The following PIP5K1C variants were observed in gnomAD, a reference collection of about 807,000 sequenced individuals.
The protein encoded by PIP5K1C is phosphatidylinositol-4-phosphate 5-kinase type 1 gamma, also known as phosphatidylinositol 4-phosphate 5-kinase type-1 gamma.
Under a neutral mutation model 80.1 loss-of-function variants are expected in PIP5K1C, and 45 were observed. The observed-to-expected ratio is 0.56, with a 90% CI of 0.44 to 0.72. The LOEUF (loss-of-function observed/expected upper bound fraction) is 0.72. Ranked by LOEUF, PIP5K1C falls within the 30% of genes least tolerant of loss-of-function variation. PIP5K1C has a pLI of 0.00. For missense variants in PIP5K1C, 753 were observed against 954.6 expected (o/e 0.79, Z 2.78); for synonymous variants, 498 against 420.1 (o/e 1.19, Z -2.27).
chr19:3,700,253 G>C, intron 1 of PIP5K1C, 44 bp downstream of exon 1: 2 of 1,084,788 alleles, frequency 1.8e-6, no homozygotes, highest in Non-Finnish European at 2.3e-6. Context: ...CTCGGCGCTC[G>C]GACGAGCCCA....
intron 1 of PIP5K1C, among the ~76,000 whole-genome samples, chr19:3,675,661 T>G (rs568972965): frequency 1.3e-5 from 2 of 152,170 alleles, no homozygotes; most frequent in African/African-American, 4.8e-5. Flanking sequence ...TCTCTTGATA[T>G]GAGTGTACCC....
At chr19:3,655,466 T>G (rs1422743232) in intron 6 of PIP5K1C, among the ~76,000 whole-genome samples, 1 of 152,236 alleles carries the variant, frequency 6.6e-6, no homozygotes, top group Non-Finnish European at 1.5e-5. Context: ...AAATAGTCTT[T>G]GATGACACGT....
At chr19:3,634,026 A>AG (rs2033569525) in intron 16 of PIP5K1C, among the ~76,000 whole-genome samples, 1 of 152,088 alleles carries the variant, frequency 6.6e-6, no homozygotes, top group Non-Finnish European at 1.5e-5. Flanking sequence ...GCCTGCGGGC[A>AG]GGGCCAGTCC....
chr19:3,660,892 G>T, intron 5 of PIP5K1C, 74 bp downstream of exon 5: 2 of 1,242,710 alleles, frequency 1.6e-6, no homozygotes, highest in Non-Finnish European at 2.4e-6. Context: ...CCAAATGCCT[G>T]ACCCACAGAC....
chr19:3,693,131 G>T (rs1456830997), intron 1 of PIP5K1C, among the ~76,000 whole-genome samples: 2 of 152,012 alleles, frequency 1.3e-5, no homozygotes, highest in African/African-American at 2.4e-5. Context: ...TGGCCCTCTC[G>T]TTCCCCCAGG....
At chr19:3,690,031 G>A (rs977126707) in intron 1 of PIP5K1C, among the ~76,000 whole-genome samples, 1 of 152,018 alleles carries the variant, frequency 6.6e-6, no homozygotes. Context: ...AAACACCTGG[G>A]GTGACAGTCA....
Position 3,637,863 on chromosome 19 carries a change from C to T in PIP5K1C, c.1920+1021G>A. On this transcript the variant is annotated intron_variant, in intron 16 of 17. Transcript: ENST00000335312. The surrounding 1 kb of genome is among the most constrained non-coding windows in gnomAD (Gnocchi z 7.0). ...CACAGCACGACATGGCCCCCAGGCC[C>T]CCCGTACCATCCGGAGACCAGGACG... The T allele has an allele frequency of 6.5e-7, 1 of 1,535,372 alleles. No homozygotes were observed. The highest frequency in any genetic ancestry group is 8.7e-7 in the Non-Finnish European group (1 of 1,146,690).
At chr19:3,694,855 C>T (rs2036053125) in intron 1 of PIP5K1C, among the ~76,000 whole-genome samples, 1 of 152,228 alleles carries the variant, frequency 6.6e-6, no homozygotes, top group African/African-American at 2.4e-5. Context: ...TCACCACACT[C>T]ATCACCGCCC....
At chr19:3,678,083 G>GA (rs2145560644) in intron 1 of PIP5K1C, among the ~76,000 whole-genome samples, 1 of 134,642 alleles carries the variant, frequency 7.4e-6, no homozygotes, top group Non-Finnish European at 1.6e-5. Context: ...AAGGAGAATG[G>GA]AGGATGGAGG....
intron 5 of PIP5K1C, among the ~76,000 whole-genome samples, chr19:3,657,772 AAAAG>A (rs942869066): frequency 3.3e-5 from 5 of 151,050 alleles, no homozygotes; most frequent in African/African-American, 1.2e-4. Flanking sequence ...CTAAAAAAAA[AAAAG>A]AAAGAAAACA....
intron 1 of PIP5K1C, among the ~76,000 whole-genome samples, chr19:3,671,554 C>T (rs1371721182): frequency 6.6e-6 from 1 of 152,192 alleles, no homozygotes; most frequent in East Asian, 1.9e-4. Context: ...GGTTAAGGGA[C>T]TGGCCGGGGC....
chr19:3,699,057 T>C (rs1199310447), intron 1 of PIP5K1C, among the ~76,000 whole-genome samples: 1 of 150,932 alleles, frequency 6.6e-6, no homozygotes, highest in Non-Finnish European at 1.5e-5. Context: ...CGCGGTGTGG[T>C]TTTCTTTTGG....
intron 15 of PIP5K1C, 57 bp from the exon 16 acceptor site, chr19:3,639,073 C>G: frequency 6.3e-7 from 1 of 1,590,064 alleles, no homozygotes; most frequent in Middle Eastern, 1.7e-4. Context: ...GGAGACTCCC[C>G]GCGCCCCCAC....
Position 3,641,691 on chromosome 19 carries a change from G to T in PIP5K1C, c.1787+14C>A. On this transcript the variant is annotated intron_variant, in intron 15 of 17. Transcript: ENST00000335312. ...CAGGTGGGCGCCCCGACCTCCCGCC[G>T]AGGCCGTGCTCACCCTGCGTCCTCC... is the stretch of plus-strand genomic sequence containing the variant. 1 of 1,601,308 alleles carries T rather than the reference G, an allele frequency of 6.2e-7. No homozygotes were observed.
At chr19:3,686,755 T>C (rs570071479) in intron 1 of PIP5K1C, among the ~76,000 whole-genome samples, 5 of 151,200 alleles carry the variant, frequency 3.3e-5, no homozygotes, top group Admixed American at 1.3e-4. Flanking sequence ...TAAAATAAAA[T>C]AAAATAAAAT....
chr19:3,667,071 C>G (rs2035036863), intron 2 of PIP5K1C, among the ~76,000 whole-genome samples: 1 of 151,544 alleles, frequency 6.6e-6, no homozygotes, highest in African/African-American at 2.4e-5. Flanking sequence ...GCAGCCCTGA[C>G]CAGGCACCCC....
Position 3,638,947 on chromosome 19 carries a change from C to G in PIP5K1C, c.1857G>C (p.Glu619Asp). ...AGGCCTGGCTGGCAGGTGCGCCCTC[C>G]TCGTCTGAGGCCTGGCTGGCAGTTT... Reference protein sequence around the residue: ...EVETASQASDEEGAPASQASD... With the variant: ...EVETASQASDDEGAPASQASD... The change falls in exon 16 of 18, where the codon GAG becomes GAC. Residue 619 changes from glutamate (E) to aspartate (D), a missense_variant. This residue lies in a region of PIP5K1C where 315 missense variants were observed against 294.5 expected (regional missense o/e 1.07). Transcript: ENST00000335312. The G allele has an allele frequency of 6.2e-7, 1 of 1,612,374 alleles. No homozygotes were observed. Among genetic ancestry groups the G allele is most frequent in the Non-Finnish European group, 8.5e-7 (1 of 1,179,890 alleles).
Position 3,637,607 on chromosome 19 carries a change from C to T in PIP5K1C, c.1920+1277G>A. On this transcript the variant is annotated intron_variant, in intron 16 of 17. Coordinates refer to ENST00000335312, the MANE Select transcript of PIP5K1C (RefSeq NM_012398.3). The surrounding 1 kb of genome is among the most constrained non-coding windows in gnomAD (Gnocchi z 7.0). ...GGAGAGTAAATCCAGTACCTCCCAT[C>T]CGTGAACTGGACGGGGCGGGCCGGG... 2 of 1,506,446 alleles carry T rather than the reference C, an allele frequency of 1.3e-6. No individual in the cohort carries two copies. Among genetic ancestry groups the T allele is most frequent in the Non-Finnish European group, 1.8e-6 (2 of 1,127,468 alleles). 93.3% of individuals were successfully genotyped at this position (1,506,446 alleles called of 1,614,324 possible).
chr19:3,668,455 G>GT, intron 1 of PIP5K1C: 1 of 152,478 alleles, frequency 6.6e-6, no homozygotes, highest in South Asian at 2.1e-4. Flanking sequence ...GAAGAGGGAG[G>GT]AAGGGACCTG....
Sources: allele counts gnomAD v4.1 joint callset (sites outside exome capture counted in the v4.1 genomes callset), GRCh38; gene constraint gnomAD v4.1.1; regional missense constraint gnomAD v4.1.1; non-coding constraint Gnocchi (gnomAD v3.1); transcripts MANE v1.5; gene names NCBI Gene and HGNC (gene_info 2026-07-23, HGNC 2026-07-21).